SARAF: variants seen among roughly 807,000 people sequenced by gnomAD.
SARAF encodes the protein store-operated calcium entry associated regulatory factor, also known as store-operated calcium entry-associated regulatory factor.
SARAF carries 23 observed loss-of-function variants against 39.7 expected under a neutral mutation model. That is an observed-to-expected ratio of 0.58 (90% CI 0.42 to 0.82). The LOEUF (loss-of-function observed/expected upper bound fraction) is 0.82, where lower values mean the gene tolerates loss of function less well. Among genes scored for constraint, SARAF ranks in the 40% least tolerant of loss-of-function variants. The pLI is 0.00. For missense variants in SARAF, 384 were observed against 418.5 expected (o/e 0.92, Z 0.72); for synonymous variants, 175 against 168.5 (o/e 1.04, Z -0.30).
rs967899098 is a variant in SARAF, at chr8:30,070,351, T to A, written c.283-292A>T. 4.6e-5 allele frequency among the ~76,000 whole-genome samples: 7 copies of A among 151,848 alleles called. No individual in the cohort carries two copies. The South Asian group carries it at 1.5e-3, about 32-fold the overall frequency. ...TGAACCTGGGAGGTGGAGGTTGCAG[T>A]GAGCTGAGATCGTGATTGCACTCTA... is the stretch of plus-strand genomic sequence containing the variant. On this transcript the variant is annotated intron_variant, in intron 2 of 5. Coordinates refer to ENST00000256255, the MANE Select transcript of SARAF (RefSeq NM_016127.6).
intron 1 of SARAF, among the ~76,000 whole-genome samples, chr8:30,078,055 G>T (rs190400475): frequency 6.9e-6 from 1 of 144,568 alleles, no homozygotes; most frequent in Non-Finnish European, 1.5e-5. Flanking sequence ...CAGGAGAATC[G>T]CTTGAACCCG....
intron 5 of SARAF, among the ~76,000 whole-genome samples, chr8:30,064,137 GAC>G (rs1355744652): frequency 6.6e-6 from 1 of 152,084 alleles, no homozygotes; most frequent in Non-Finnish European, 1.5e-5. Context: ...TGCTGGGAAT[GAC>G]AGTTAGGACC....
chr8:30,082,711 G>A, intron 1 of SARAF, 136 bp downstream of exon 1: 1 of 626,360 alleles, frequency 1.6e-6, no homozygotes. Flanking sequence ...AGCACGAACA[G>A]CAAAGAGGTC....
In SARAF at chr8:30,063,503, G is replaced by A; in HGVS notation, c.*385C>T. 1 of 227,338 alleles carries A rather than the reference G, an allele frequency of 4.4e-6. No homozygotes were observed. Among genetic ancestry groups the A allele is most frequent in the Admixed American group, 5.6e-5 (1 of 17,904 alleles). 14.1% of individuals were successfully genotyped at this position (227,338 alleles called of 1,614,324 possible). On this transcript the variant is annotated 3_prime_UTR_variant, in exon 6 of 6. Coordinates refer to ENST00000256255, the MANE Select transcript of SARAF (RefSeq NM_016127.6). ...AATAGAATATTATAGTCTCTATGAG[G>A]TAATAACTCATCAGCTACAACCACC...
chr8:30,083,125 G>A (rs1802152564), upstream of SARAF: 4 of 508,642 alleles, frequency 7.9e-6, no homozygotes, highest in Non-Finnish European at 1.4e-5. Flanking sequence ...CACTGCCGCT[G>A]CGGCCCGTGG....
chr8:30,063,224 T>A lies in SARAF; in HGVS notation c.*664A>T, dbSNP rs1006095754. On this transcript the variant is annotated 3_prime_UTR_variant, in exon 6 of 6. Transcript: ENST00000256255. ...TTTGTTGAAAAATTTGACCTTTACC[T>A]CTTATGAACGAAAGAAATATAGAGG... 1.3e-5 allele frequency: 2 copies of A among 152,194 alleles called. No individual in the cohort carries two copies. Among genetic ancestry groups the A allele is most frequent in the African/African-American group, 4.8e-5 (2 of 41,454 alleles). The allele number at this position is 152,194 out of a possible 1,614,324, so 9.4% of individuals were successfully genotyped here.
In SARAF at chr8:30,073,829, AC is replaced by A. The variant is rs778851953; in HGVS notation, c.282+47del. 3.2e-5 allele frequency: 50 copies of A among 1,538,732 alleles called. No individual in the cohort carries two copies. In the Admixed American group the frequency reaches 8.6e-4, roughly 27 times the overall value. On this transcript the variant is annotated intron_variant, in intron 2 of 5. Coordinates refer to ENST00000256255, the MANE Select transcript of SARAF (RefSeq NM_016127.6). ...TGAATAATGTCCCAATAAACAATTTACTGAATAAAAACCCCATTTAGACTGC... is the reference window on the plus strand; with the variant it reads ...TGAATAATGTCCCAATAAACAATTTATGAATAAAAACCCCATTTAGACTGC...
rs543270026 is a variant in SARAF, at chr8:30,063,565, A to G, written c.*323T>C. 1.7e-5 allele frequency: 6 copies of G among 360,608 alleles called. No homozygotes were observed. The highest frequency in any genetic ancestry group is 9.2e-5 in the Admixed American group (2 of 21,790). 22.3% of individuals were successfully genotyped at this position (360,608 alleles called of 1,614,324 possible). On this transcript the variant is annotated 3_prime_UTR_variant, in exon 6 of 6. Coordinates refer to ENST00000256255, the MANE Select transcript of SARAF (RefSeq NM_016127.6). ...TTTTCTGTACTTAGTTTCTATTAGTACAACACCTTCATTCTTAATGCTTCT... is the reference window on the plus strand; with the variant it reads ...TTTTCTGTACTTAGTTTCTATTAGTGCAACACCTTCATTCTTAATGCTTCT...
rs1214708861 is a variant in SARAF, at chr8:30,074,073, C to G, written c.104-18G>C. On this transcript the variant is annotated intron_variant, in intron 1 of 5. Transcript: ENST00000256255. Reference sequence around the variant, plus strand: ...CATTCTGTCTGAAACAGCAAGAAAACAGAGGAACACAAAGTAAGTATCGTG... The same window carrying G: ...CATTCTGTCTGAAACAGCAAGAAAAGAGAGGAACACAAAGTAAGTATCGTG... 2 of 1,604,214 alleles carry G rather than the reference C, an allele frequency of 1.2e-6. No individual in the cohort carries two copies. The highest frequency in any genetic ancestry group is 2.7e-5 in the African/African-American group (2 of 74,650).
chr8:30,070,213 G>A (rs372480979), intron 2 of SARAF, among the ~76,000 whole-genome samples, 154 bp from the exon 3 acceptor site: 10 of 152,098 alleles, frequency 6.6e-5, no homozygotes, highest in East Asian at 3.9e-4. Context: ...TTCAAGACCC[G>A]CCTGGCCAAG....
chr8:30,079,533 TATTA>T (rs1802052683), intron 1 of SARAF, among the ~76,000 whole-genome samples: 1 of 152,216 alleles, frequency 6.6e-6, no homozygotes, highest in Admixed American at 6.5e-5. Flanking sequence ...AATCAGACTG[TATTA>T]ATCAACTAAA....
chr8:30,081,530 T>C (rs7814718), intron 1 of SARAF, among the ~76,000 whole-genome samples: 149,245 of 152,364 alleles, frequency 0.98, 73,170 homozygotes, highest in Middle Eastern at 1. Flanking sequence ...GGTAATAAAA[T>C]GTCCACATCA....
intron 3 of SARAF, chr8:30,067,138 T>TG (rs1801708931): frequency 3.7e-6 from 2 of 535,530 alleles, no homozygotes; most frequent in Admixed American, 3.3e-5. Flanking sequence ...GGATAGATTT[T>TG]GGGACTGGGG....
In SARAF at chr8:30,063,815, A is replaced by C; in HGVS notation, c.*73T>G. The C allele has an allele frequency of 7.8e-7, 1 of 1,274,146 alleles. No individual in the cohort carries two copies. The highest frequency in any genetic ancestry group is 1.1e-6 in the Non-Finnish European group (1 of 870,936). 78.9% of individuals were successfully genotyped at this position (1,274,146 alleles called of 1,614,324 possible). On this transcript the variant is annotated 3_prime_UTR_variant, in exon 6 of 6. Coordinates refer to ENST00000256255, the MANE Select transcript of SARAF (RefSeq NM_016127.6). ...CTTTTCCCAATTGTTAACAGGTAGT[A>C]CTTTTTTTCTAAAGAGAAAGTGATG...
At chr8:30,067,068 T>C (rs1019058291) in intron 3 of SARAF, 150 bp from the exon 4 acceptor site, 2 of 814,158 alleles carry the variant, frequency 2.5e-6, no homozygotes, top group African/African-American at 3.5e-5. Context: ...TTCAAAAAGG[T>C]ATTTGTAAAA....
chr8:30,072,555 T>C (rs1467195228), intron 2 of SARAF, among the ~76,000 whole-genome samples: 1 of 152,248 alleles, frequency 6.6e-6, no homozygotes, highest in African/African-American at 2.4e-5. Flanking sequence ...CTTGTATTGG[T>C]ATTTCATGTT....
chr8:30,082,807 A>G, intron 1 of SARAF, 40 bp downstream of exon 1: 1 of 1,409,570 alleles, frequency 7.1e-7, no homozygotes, highest in Non-Finnish European at 9.4e-7. Context: ...GGCGGCGGAA[A>G]AGGGCGAACG....
chr8:30,072,443 T>C (rs1801867478), intron 2 of SARAF, among the ~76,000 whole-genome samples: 1 of 152,228 alleles, frequency 6.6e-6, no homozygotes, highest in Non-Finnish European at 1.5e-5. Flanking sequence ...TTGGATAAGA[T>C]GCAGTTTTTC....
At position 30,063,836 on chromosome 8, in the gene SARAF, TG is replaced by T; in HGVS notation, c.*51del. On this transcript the variant is annotated 3_prime_UTR_variant, in exon 6 of 6. Coordinates refer to ENST00000256255, the MANE Select transcript of SARAF (RefSeq NM_016127.6). Reference sequence around the variant, plus strand: ...TAGTACTTTTTTTCTAAAGAGAAAGTGATGAAAAATCCAAAATTTCTGCATC... The same window carrying T: ...TAGTACTTTTTTTCTAAAGAGAAAGTATGAAAAATCCAAAATTTCTGCATC... 1 of 1,524,740 alleles carries T rather than the reference TG, an allele frequency of 6.6e-7. No individual in the cohort carries two copies. The highest frequency in any genetic ancestry group is 2.3e-5 in the East Asian group (1 of 44,348). The allele number at this position is 1,524,740 out of a possible 1,614,324, so 94.5% of individuals were successfully genotyped here. A position where few individuals can be genotyped will look rare whatever the true frequency, so the allele number is the denominator to read the frequency against.
Sources: allele counts gnomAD v4.1 joint callset (sites outside exome capture counted in the v4.1 genomes callset), GRCh38; gene constraint gnomAD v4.1.1; transcripts MANE v1.5; gene names NCBI Gene and HGNC (gene_info 2026-07-23, HGNC 2026-07-21).